SYNJ1: variants seen among roughly 807,000 people sequenced by gnomAD.
SYNJ1 encodes synaptojanin 1.
SYNJ1 carries 78 observed loss-of-function variants against 168.2 expected under a neutral mutation model. The ratio of observed to expected loss-of-function variants is 0.46; its 90% CI spans 0.39 to 0.56. The LOEUF (loss-of-function observed/expected upper bound fraction) is 0.56, where lower values mean the gene tolerates loss of function less well. Ranked by LOEUF, SYNJ1 falls within the 20% of genes least tolerant of loss-of-function variation. The probability of loss-of-function intolerance (pLI) is 0.00; values close to 1 mark genes in which losing one functional copy is unlikely to be tolerated. For synonymous variants in SYNJ1, 539 were observed against 548.6 expected (o/e 0.98, Z 0.24); for missense variants, 1,303 against 1,597.6 (o/e 0.82, Z 3.14).
intron 22 of SYNJ1, 69 bp from the exon 23 acceptor site, chr21:32,650,415 G>A: frequency 7.0e-7 from 1 of 1,427,992 alleles, no homozygotes; most frequent in Non-Finnish European, 9.5e-7. Context: ...TAAAGAGGCT[G>A]ACTTCGTTAA....
intron 10 of SYNJ1, among the ~76,000 whole-genome samples, chr21:32,682,412 C>T (rs1009873554): frequency 5.9e-5 from 9 of 152,012 alleles, no homozygotes; most frequent in African/African-American, 1.2e-4. Context: ...TTCCAATTTA[C>T]GTTTTATTTT....
chr21:32,721,688 A>T (rs2043228296), intron 2 of SYNJ1, among the ~76,000 whole-genome samples: 1 of 152,182 alleles, frequency 6.6e-6, no homozygotes, highest in Non-Finnish European at 1.5e-5. Context: ...TGGAAAAAAA[A>T]AAAAAGTAAT....
chr21:32,669,237 G>GACCC, intron 15 of SYNJ1, among the ~76,000 whole-genome samples: 1 of 152,250 alleles, frequency 6.6e-6, no homozygotes, highest in South Asian at 2.1e-4. Context: ...ACTAATGACA[G>GACCC]ACGGTGGTTA....
rs367718431 is a variant in SYNJ1, at chr21:32,676,327, T to C, written c.1534+5A>G. Reference sequence around the variant, plus strand: ...TTATTTATAGATTGATTTTCTATACTGTACCTGACTGTAATGTCTGCTCAG... The same window carrying C: ...TTATTTATAGATTGATTTTCTATACCGTACCTGACTGTAATGTCTGCTCAG... On this transcript the variant is annotated splice_donor_5th_base_variant and intron_variant, in intron 13 of 32. Coordinates refer to ENST00000674351, the MANE Select transcript of SYNJ1 (RefSeq NM_203446.3). The C allele has an allele frequency of 8.2e-6, 13 of 1,592,404 alleles. No individual in the cohort carries two copies. Among genetic ancestry groups the C allele is most frequent in the East Asian group, 6.8e-5 (3 of 44,326 alleles).
chr21:32,720,388 C>T (rs2043177541), intron 2 of SYNJ1, among the ~76,000 whole-genome samples: 1 of 152,132 alleles, frequency 6.6e-6, no homozygotes, highest in South Asian at 2.1e-4. Flanking sequence ...TACGATTAGT[C>T]CTTTACGCAG....
rs752248280 is a variant in SYNJ1 at position 32,639,034 on chromosome 21, A to C, written c.3789T>G (p.Pro1263=). Residue 1263 remains proline, a synonymous_variant, in exon 31 of 33, where the codon CCT becomes CCG. Transcript: ENST00000674351. ...GCATAGGTGCTGCCACAGGGACAAG[A>C]GGCTCTTGCAACCTTTGAGCAGGCG... The part of the protein sequence containing the change: ...LPPPAQRLQE[P]LVPVAAPMPQ... 1 of 1,614,064 alleles carries C rather than the reference A, an allele frequency of 6.2e-7. No individual in the cohort carries two copies. The highest frequency in any genetic ancestry group is 1.1e-5 in the South Asian group (1 of 91,076).
Position 32,681,651 on chromosome 21 carries a change from T to A in SYNJ1, c.1201-3A>T, listed in dbSNP as rs844988. ...GCTTCCAACTGTTTAGCTAGCATCTTAAAAAGCAAACAAGAAATTTTTATA... is the reference window on the plus strand; with the variant it reads ...GCTTCCAACTGTTTAGCTAGCATCTAAAAAAGCAAACAAGAAATTTTTATA... On this transcript the variant is annotated splice_polypyrimidine_tract_variant and splice_region_variant and intron_variant, in intron 10 of 32. Transcript: ENST00000674351. 108,899 of 1,603,798 alleles carry A rather than the reference T, an allele frequency of 0.068. 4,626 individuals are homozygous for A. The highest frequency in any genetic ancestry group is 0.15 in the African/African-American group (11,199 of 74,068).
intron 26 of SYNJ1, among the ~76,000 whole-genome samples, chr21:32,643,875 C>T (rs1380652848): frequency 6.6e-6 from 1 of 152,108 alleles, no homozygotes; most frequent in South Asian, 2.1e-4. Flanking sequence ...GTTTTTGATG[C>T]ATTAATTTTA....
chr21:32,655,086 A>G (rs1420077234), intron 21 of SYNJ1, among the ~76,000 whole-genome samples: 1 of 152,208 alleles, frequency 6.6e-6, no homozygotes, highest in Non-Finnish European at 1.5e-5. Flanking sequence ...TTTCCTAATG[A>G]TGACAAACAT....
At chr21:32,664,698 A>C (rs1262067062) in intron 18 of SYNJ1, among the ~76,000 whole-genome samples, 1 of 152,140 alleles carries the variant, frequency 6.6e-6, no homozygotes, top group Non-Finnish European at 1.5e-5. Context: ...CAGCTGAATA[A>C]AGCCCTTTCC....
intron 2 of SYNJ1, 43 bp from the exon 3 acceptor site, chr21:32,702,090 T>C (rs763419918): frequency 7.3e-7 from 1 of 1,370,440 alleles, no homozygotes; most frequent in Admixed American, 1.9e-5. Context: ...ACCTGAAACA[T>C]TGGATTCTAT....
intron 22 of SYNJ1, 73 bp downstream of exon 22, chr21:32,653,215 G>T: frequency 8.4e-7 from 1 of 1,193,686 alleles, no homozygotes; most frequent in Non-Finnish European, 1.2e-6. Flanking sequence ...CTTGCTGCAT[G>T]TCTATAAAAA....
intron 19 of SYNJ1, among the ~76,000 whole-genome samples, 190 bp from the exon 20 acceptor site, chr21:32,657,310 T>C (rs1183759592): frequency 1.3e-5 from 2 of 152,254 alleles, no homozygotes; most frequent in Non-Finnish European, 2.9e-5. Context: ...TATCATTTTA[T>C]GCTTTATTTA....
chr21:32,697,805 A>G (rs911373452), intron 4 of SYNJ1, among the ~76,000 whole-genome samples: 15 of 152,246 alleles, frequency 9.9e-5, no homozygotes. Context: ...AAAAAAATCA[A>G]TCAACCAACC....
chr21:32,665,645 G>C (rs777692580), intron 17 of SYNJ1, among the ~76,000 whole-genome samples: 51 of 152,102 alleles, frequency 3.4e-4, no homozygotes, highest in Non-Finnish European at 6.5e-4. Context: ...TGATGTCTCA[G>C]GTCTCCCTAA....
At chr21:32,712,838 A>C (rs898615860) in intron 2 of SYNJ1, among the ~76,000 whole-genome samples, 4 of 152,212 alleles carry the variant, frequency 2.6e-5, no homozygotes, top group Non-Finnish European at 4.4e-5. Context: ...CTTTATAGTG[A>C]GACAGGAAGG....
chr21:32,643,395 C>T lies in SYNJ1; in HGVS notation c.3478+15G>A, dbSNP rs749403394. On this transcript the variant is annotated intron_variant, in intron 27 of 32. Coordinates refer to ENST00000674351, the MANE Select transcript of SYNJ1 (RefSeq NM_203446.3). ...AAATGAGAGAACCACTTCTATAATG[C>T]AAGAGTCTTGTTACCTTCCATCTCT... 6.2e-7 allele frequency: 1 copy of T among 1,613,512 alleles called. No individual in the cohort carries two copies. Among genetic ancestry groups the T allele is most frequent in the Non-Finnish European group, 8.5e-7 (1 of 1,179,660 alleles).
intron 2 of SYNJ1, among the ~76,000 whole-genome samples, chr21:32,702,903 C>T (rs568779169): frequency 1.8e-4 from 28 of 152,354 alleles, no homozygotes; most frequent in Middle Eastern, 6.8e-3. Flanking sequence ...TAGAAAATCA[C>T]GTAAGTAGAT....
intron 2 of SYNJ1, among the ~76,000 whole-genome samples, chr21:32,704,684 A>C (rs2042540358): frequency 6.6e-6 from 1 of 152,130 alleles, no homozygotes. Flanking sequence ...AGGGTTTTGA[A>C]GTGCCAGTGG....
Sources: gnomAD v4.1 joint callset for allele counts (sites outside exome capture counted in the v4.1 genomes callset) on GRCh38, gnomAD v4.1.1 for gene constraint, MANE v1.5 for transcripts, NCBI Gene and HGNC (gene_info 2026-07-23, HGNC 2026-07-21) for gene names.